ARHGEF4: variants seen among roughly 807,000 people sequenced by gnomAD.
The protein encoded by ARHGEF4 is Rho guanine nucleotide exchange factor 4.
ARHGEF4 carries 119 observed loss-of-function variants against 162.0 expected under a neutral mutation model. The observed-to-expected ratio is 0.73, with a 90% CI of 0.63 to 0.86. The LOEUF (loss-of-function observed/expected upper bound fraction) is 0.86. Among genes scored for constraint, ARHGEF4 ranks in the 40% least tolerant of loss-of-function variants. The pLI is 0.00. For missense variants in ARHGEF4, 2,488 were observed against 2,456.0 expected, an observed-to-expected ratio of 1.01 and a Z score of -0.28; for synonymous variants, 1,014 against 979.9, an observed-to-expected ratio of 1.03 and a Z score of -0.65.
At chr2:130,999,200 C>T (rs1420704732) in intron 4 of ARHGEF4, among the ~76,000 whole-genome samples, 3 of 149,734 alleles carry the variant, frequency 2.0e-5, no homozygotes, top group Non-Finnish European at 4.4e-5. Flanking sequence ...GCTCTGTTGC[C>T]CTGGCTGGAG....
At chr2:130,988,763 A>G (rs1044701573) in intron 4 of ARHGEF4, among the ~76,000 whole-genome samples, 3 of 151,968 alleles carry the variant, frequency 2.0e-5, no homozygotes, top group Non-Finnish European at 2.9e-5. Flanking sequence ...TTTGTAATCA[A>G]TATACTATTG....
intron 1 of ARHGEF4, among the ~76,000 whole-genome samples, chr2:130,903,097 C>A (rs1289055411): frequency 6.8e-6 from 1 of 146,344 alleles, no homozygotes; most frequent in Admixed American, 7.1e-5. Flanking sequence ...TTTCCCTCTG[C>A]TGTTCTTTAT....
chr2:130,954,514 G>A (rs777851305), intron 4 of ARHGEF4, among the ~76,000 whole-genome samples: 8 of 152,120 alleles, frequency 5.3e-5, no homozygotes, highest in Non-Finnish European at 1.2e-4. Context: ...AAACCTGCAC[G>A]TTGTGCACAT....
At chr2:130,926,040 C>CTTTCTTTCT (rs1201289023) in intron 2 of ARHGEF4, among the ~76,000 whole-genome samples, 1 of 109,912 alleles carries the variant, frequency 9.1e-6, no homozygotes, top group Non-Finnish European at 1.7e-5. Flanking sequence ...TTCTTTCTTT[C>CTTTCTTTCT]TTTCTTTCTC....
At chr2:130,927,719 T>C (rs1016944673) in intron 2 of ARHGEF4, among the ~76,000 whole-genome samples, 19 of 152,302 alleles carry the variant, frequency 1.2e-4, no homozygotes, top group African/African-American at 3.9e-4. Context: ...AAAGAAAACC[T>C]AGGGAACTAC....
At chr2:130,854,368 C>T (rs114129909) in intron 1 of ARHGEF4, among the ~76,000 whole-genome samples, 2,214 of 152,258 alleles carry the variant, frequency 0.015, 48 homozygotes, top group African/African-American at 0.05. Context: ...CGCCCCACCT[C>T]TTCCTAGGAA....
At chr2:130,879,913 G>A (rs1679086335) in intron 1 of ARHGEF4, among the ~76,000 whole-genome samples, 1 of 152,076 alleles carries the variant, frequency 6.6e-6, no homozygotes, top group African/African-American at 2.4e-5. Context: ...TGAGTAGCTG[G>A]GACTACAGAT....
intron 4 of ARHGEF4, among the ~76,000 whole-genome samples, chr2:131,012,961 A>G (rs998414223): frequency 4.6e-5 from 7 of 152,236 alleles, no homozygotes; most frequent in Admixed American, 1.3e-4. Context: ...CACGTACAAA[A>G]TGAGAGATTT....
chr2:130,982,715 CA>C (rs1686212615), intron 4 of ARHGEF4, among the ~76,000 whole-genome samples: 1 of 151,894 alleles, frequency 6.6e-6, no homozygotes, highest in East Asian at 1.9e-4. Flanking sequence ...CCTTCCTTAC[CA>C]AAAATACATC....
In ARHGEF4 at chr2:131,038,993, C is replaced by T. The variant is rs372440562; in HGVS notation, c.4266C>T (p.Val1422=). ...ACAGAGAGTGGTGGTGGGGCCGGGTCGCCGATGGCGAGGGCTGGTTTCCAG... is the reference window on the plus strand; with the variant it reads ...ACAGAGAGTGGTGGTGGGGCCGGGTTGCCGATGGCGAGGGCTGGTTTCCAG... ...ATNREWWWGR[V]ADGEGWFPAS... Residue 1422 remains valine (V), a synonymous_variant, in exon 6 of 14, where the codon GTC becomes GTT. Coordinates refer to ENST00000409359, the MANE Select transcript of ARHGEF4 (RefSeq NM_001367493.1). 9.9e-6 allele frequency: 16 copies of T among 1,613,272 alleles called. No homozygotes were observed. Among genetic ancestry groups the T allele is most frequent in the East Asian group, 2.2e-5 (1 of 44,884 alleles).
At chr2:130,854,230 T>C (rs1681601303) in intron 1 of ARHGEF4, among the ~76,000 whole-genome samples, 1 of 152,214 alleles carries the variant, frequency 6.6e-6, no homozygotes. Context: ...CCAAACCCTG[T>C]CCTTGGTGCT....
chr2:130,845,723 G>A (rs934286550), intron 1 of ARHGEF4, among the ~76,000 whole-genome samples: 2 of 152,214 alleles, frequency 1.3e-5, no homozygotes, highest in Non-Finnish European at 2.9e-5. Context: ...ACTCAAGCTT[G>A]TGAGAAGACC....
At chr2:130,998,719 C>T (rs1687564232) in intron 4 of ARHGEF4, among the ~76,000 whole-genome samples, 1 of 152,202 alleles carries the variant, frequency 6.6e-6, no homozygotes, top group Non-Finnish European at 1.5e-5. Context: ...CATTCACCTA[C>T]TGTAGGACAT....
chr2:130,854,635 G>A (rs954526223), intron 1 of ARHGEF4, among the ~76,000 whole-genome samples: 8 of 152,304 alleles, frequency 5.3e-5, no homozygotes, highest in Non-Finnish European at 8.8e-5. Context: ...GCTGGCCCCA[G>A]TGCCCCCATC....
At chr2:131,014,303 A>G (rs1255400176) in intron 4 of ARHGEF4, among the ~76,000 whole-genome samples, 1 of 152,182 alleles carries the variant, frequency 6.6e-6, no homozygotes, top group Non-Finnish European at 1.5e-5. Context: ...CTAACATAAC[A>G]CTACCATGTG....
At chr2:130,921,392 T>C (rs996063520) in intron 2 of ARHGEF4, among the ~76,000 whole-genome samples, 49 of 152,324 alleles carry the variant, frequency 3.2e-4, no homozygotes, top group African/African-American at 1.2e-3. Flanking sequence ...CGTTTGGGGC[T>C]GCTGTGAACA....
chr2:130,979,696 G>A (rs982184400), intron 4 of ARHGEF4, among the ~76,000 whole-genome samples: 8 of 138,300 alleles, frequency 5.8e-5, no homozygotes, highest in African/African-American at 1.3e-4. Flanking sequence ...AGATTGTGCC[G>A]CTGCATTCCA....
In ARHGEF4 at chr2:131,045,430, C is replaced by G; in HGVS notation, c.5463C>G (p.Val1821=). 8 of 1,613,632 alleles carry G rather than the reference C, an allele frequency of 5.0e-6. No individual in the cohort carries two copies. Among genetic ancestry groups the G allele is most frequent in the Non-Finnish European group, 6.8e-6 (8 of 1,180,018 alleles). The change falls in exon 13 of 14, where the codon GTC becomes GTG. Residue 1821 remains valine, a synonymous_variant. Coordinates refer to ENST00000409359, the MANE Select transcript of ARHGEF4 (RefSeq NM_001367493.1). ...TGCTGAATGCCAGCAAGCAGCAGGT[C>G]ACAGGGAAGCCCAAAGGTAGGCGGA... ...QAMLNASKQQ[V]TGKPKAVGRP...
intron 4 of ARHGEF4, among the ~76,000 whole-genome samples, chr2:130,993,086 CAA>C (rs778788650): frequency 1.4e-3 from 207 of 152,054 alleles, no homozygotes; most frequent in Non-Finnish European, 2.2e-3. Flanking sequence ...TGTTCAAAAA[CAA>C]AACAAAACAA....
Sources: gnomAD v4.1 joint callset for allele counts (sites outside exome capture counted in the v4.1 genomes callset) on GRCh38, gnomAD v4.1.1 for gene constraint, MANE v1.5 for transcripts, NCBI Gene and HGNC (gene_info 2026-07-23, HGNC 2026-07-21) for gene names.